The following GPR158 variants were observed in gnomAD, a reference collection of about 807,000 sequenced individuals.
GPR158 encodes the protein metabotropic glycine receptor.
A neutral mutation model predicts 78.2 loss-of-function variants in GPR158; 30 were observed. The observed-to-expected ratio is 0.38, with a 90% CI of 0.29 to 0.52. The LOEUF (loss-of-function observed/expected upper bound fraction) is 0.52. GPR158 is among the 20% of genes least tolerant of loss of function. The pLI is 0.83. For synonymous variants in GPR158, 581 were observed against 591.1 expected, an observed-to-expected ratio of 0.98 and a Z score of 0.25; for missense variants, 1,463 against 1,523.5, an observed-to-expected ratio of 0.96 and a Z score of 0.66.
At chr10:25,268,313 G>C (rs1225312658) in intron 2 of GPR158, among the ~76,000 whole-genome samples, 1 of 152,002 alleles carries the variant, frequency 6.6e-6, no homozygotes, top group Non-Finnish European at 1.5e-5. Context: ...AGGTTCTTAG[G>C]ATCTATCTGT....
At chr10:25,370,151 T>TC (rs1833964055) in intron 2 of GPR158, among the ~76,000 whole-genome samples, 3 of 144,616 alleles carry the variant, frequency 2.1e-5, no homozygotes, top group Non-Finnish European at 1.5e-5. Flanking sequence ...GAAGGGTTTT[T>TC]TGTGTCTCTA....
chr10:25,535,796 C>T (rs902900767), intron 5 of GPR158, among the ~76,000 whole-genome samples: 1 of 152,198 alleles, frequency 6.6e-6, no homozygotes, highest in African/African-American at 2.4e-5. Flanking sequence ...TCTCTCTATA[C>T]CCCATTCTCA....
intron 2 of GPR158, among the ~76,000 whole-genome samples, chr10:25,298,012 A>T (rs1312838511): frequency 6.6e-6 from 1 of 152,246 alleles, no homozygotes; most frequent in Middle Eastern, 3.2e-3. Context: ...TCCCATCTGT[A>T]TAAAATGAGT....
chr10:25,285,280 C>CAT (rs1291900372), intron 2 of GPR158, among the ~76,000 whole-genome samples: 1 of 151,756 alleles, frequency 6.6e-6, no homozygotes, highest in African/African-American at 2.4e-5. Flanking sequence ...CACACACACA[C>CAT]GTATGCATTG....
intron 1 of GPR158, among the ~76,000 whole-genome samples, chr10:25,206,891 G>A (rs1327709674): frequency 6.7e-6 from 1 of 150,044 alleles, no homozygotes; most frequent in Non-Finnish European, 1.5e-5. Flanking sequence ...CTATTTTATG[G>A]ATGCTGCCAG....
chr10:25,210,050 G>T (rs550032177), intron 1 of GPR158, among the ~76,000 whole-genome samples: 6 of 152,152 alleles, frequency 3.9e-5, no homozygotes, highest in African/African-American at 1.4e-4. Context: ...CTTAAAAGTC[G>T]TGAAATTATG....
chr10:25,376,765 T>A (rs956438058), intron 2 of GPR158, among the ~76,000 whole-genome samples: 1 of 151,758 alleles, frequency 6.6e-6, no homozygotes, highest in African/African-American at 2.4e-5. Context: ...TTATAGTGTA[T>A]ACATCCTGAA....
intron 2 of GPR158, among the ~76,000 whole-genome samples, chr10:25,388,809 C>T (rs1834255222): frequency 6.6e-6 from 1 of 152,242 alleles, no homozygotes; most frequent in South Asian, 2.1e-4. Flanking sequence ...AGGCCCCCTC[C>T]CTTGCCCACA....
chr10:25,512,761 A>G (rs1204517742), intron 5 of GPR158, among the ~76,000 whole-genome samples: 1 of 150,002 alleles, frequency 6.7e-6, no homozygotes, highest in Admixed American at 6.6e-5. Context: ...ATTTTGTCAA[A>G]TGCTTTTTCT....
chr10:25,273,977 CT>C (rs1854150688), intron 2 of GPR158, among the ~76,000 whole-genome samples: 1 of 152,148 alleles, frequency 6.6e-6, no homozygotes. Context: ...CGTGCCTAGC[CT>C]CAAAGAAAAT....
At position 25,241,338 on chromosome 10, in the gene GPR158, T is replaced by TCTCTTCTC. The variant is rs1554787248; in HGVS notation, c.1008+20181_1008+20182insCTCTTCTC. 8.0e-4 allele frequency among the ~76,000 whole-genome samples: 89 copies of TCTCTTCTC among 110,874 alleles called. 5 individuals are homozygous for TCTCTTCTC. The highest frequency in any genetic ancestry group is 3.0e-3 in the African/African-American group (74 of 24,822). 72.7% of individuals were successfully genotyped at this position (110,874 alleles called of 152,430 possible). A position where few individuals can be genotyped will look rare whatever the true frequency, so the allele number is the denominator to read the frequency against. On this transcript the variant is annotated intron_variant, in intron 2 of 10. Transcript: ENST00000376351. The stretch of plus-strand genomic sequence containing the variant: ...TCTCTTCTCTTCTCTTCTCTTCTCT[T>TCTCTTCTC]TTCTCTTTTCTCTTTTCTTTTCTCT...
In GPR158 at chr10:25,241,360, CTCTTTTCTTTTCTCTCT is replaced by C. The variant is rs1451633879; in HGVS notation, c.1008+20207_1008+20223del. 5.7e-5 allele frequency among the ~76,000 whole-genome samples: 6 copies of C among 104,550 alleles called. 1 individual carries two copies. The highest frequency in any genetic ancestry group is 2.4e-4 in the African/African-American group (5 of 20,846). 68.6% of individuals were successfully genotyped at this position (104,550 alleles called of 152,430 possible). A position where few individuals can be genotyped will look rare whatever the true frequency, so the allele number is the denominator to read the frequency against. On this transcript the variant is annotated intron_variant, in intron 2 of 10. Transcript: ENST00000376351. ...TCTTTTCTCTTTTCTCTTTTCTTTT[CTCTTTTCTTTTCTCTCT>C]TCTCTTCTCTTCTCTTCTCTTCTCT...
chr10:25,257,868 C>G (rs558289324), intron 2 of GPR158, among the ~76,000 whole-genome samples: 2 of 152,164 alleles, frequency 1.3e-5, no homozygotes, highest in Non-Finnish European at 2.9e-5. Context: ...ACAGTCTTCT[C>G]TCTTCTGTCC....
chr10:25,369,177 T>C lies in GPR158; in HGVS notation c.1009-26734T>C, dbSNP rs61580264. 4.4e-3 allele frequency among the ~76,000 whole-genome samples: 660 copies of C among 151,528 alleles called. 4 individuals carry two copies. The highest frequency in any genetic ancestry group is 0.015 in the African/African-American group (621 of 41,178). ...CCTTTATTTCCTTCTCCTGCCTAAT[T>C]GCCCTGGCCAGAACTTCCAACACTA... On this transcript the variant is annotated intron_variant, in intron 2 of 10. Coordinates refer to ENST00000376351, the MANE Select transcript of GPR158 (RefSeq NM_020752.3).
chr10:25,345,335 A>G (rs1855358291), intron 2 of GPR158, among the ~76,000 whole-genome samples: 1 of 151,942 alleles, frequency 6.6e-6, no homozygotes, highest in Non-Finnish European at 1.5e-5. Context: ...TCTGACTTCT[A>G]TCATAGAACA....
Position 25,187,988 on chromosome 10 carries a change from A to G in GPR158, c.902+11666A>G, listed in dbSNP as rs190018643. Among the ~76,000 whole-genome samples, 164 of 152,332 alleles carry G rather than the reference A, an allele frequency of 1.1e-3. 1 individual carries two copies. The highest frequency in any genetic ancestry group is 3.8e-3 in the African/African-American group (157 of 41,578). ...ATCACAAGCATTCCTATACACCAAT[A>G]ACAGACAAACAGAGAGCCAAATTAT... On this transcript the variant is annotated intron_variant, in intron 1 of 10. Coordinates refer to ENST00000376351, the MANE Select transcript of GPR158 (RefSeq NM_020752.3).
chr10:25,589,232 T>C, intron 8 of GPR158, 87 bp downstream of exon 8: 1 of 836,738 alleles, frequency 1.2e-6, no homozygotes, highest in Non-Finnish European at 1.8e-6. Context: ...AGATGCATAA[T>C]AGAAAGACTT....
intron 2 of GPR158, among the ~76,000 whole-genome samples, chr10:25,329,475 G>A (rs1564423923): frequency 6.6e-6 from 1 of 151,444 alleles, no homozygotes; most frequent in East Asian, 1.9e-4. Context: ...TATTTTCGTT[G>A]CTTGGCCTGC....
chr10:25,413,074 A>G (rs1000017283), intron 4 of GPR158, among the ~76,000 whole-genome samples: 1 of 152,308 alleles, frequency 6.6e-6, no homozygotes. Flanking sequence ...TAATCTCAGC[A>G]CATTGGGAGG....
Sources: gnomAD v4.1 joint callset for allele counts (sites outside exome capture counted in the v4.1 genomes callset) on GRCh38, gnomAD v4.1.1 for gene constraint, MANE v1.5 for transcripts, NCBI Gene and HGNC (gene_info 2026-07-23, HGNC 2026-07-21) for gene names.